NOC4L: variants seen among roughly 807,000 people sequenced by gnomAD.
The protein encoded by NOC4L is nucleolar complex protein 4 homolog.
A neutral mutation model predicts 62.8 loss-of-function variants in NOC4L; 40 were observed. That is an observed-to-expected ratio of 0.64 (90% confidence interval 0.49 to 0.83). The LOEUF (loss-of-function observed/expected upper bound fraction) is 0.83, where lower values mean the gene tolerates loss of function less well. Ranked by LOEUF, NOC4L falls within the 40% of genes least tolerant of loss-of-function variation. NOC4L has a pLI of 0.00. For synonymous variants in NOC4L, 433 were observed against 299.8 expected (o/e 1.44, Z -4.59); for missense variants, 927 against 701.9 (o/e 1.32, Z -3.62).
At position 132,144,499 on chromosome 12, in the gene NOC4L, A is replaced by T; in HGVS notation, c.11A>T (p.Glu4Val). The part of the protein sequence containing the change: MER[E>V]PGAAGVRRAL... ...CGTGTTGGGGGCGGCATGGAGCGGG[A>T]GCCGGGCGCCGCGGGAGTTCGCCGG... The change falls in exon 1 of 15, where the codon GAG (glutamate) becomes GTG (valine). Residue 4 changes from glutamate (E) to valine (V), a missense_variant. Glu to Val is a moderately radical substitution (Grantham distance 121). Transcript: ENST00000330579. 6.6e-7 allele frequency: 1 copy of T among 1,521,030 alleles called. No homozygotes were observed. The highest frequency in any genetic ancestry group is 8.7e-7 in the Non-Finnish European group (1 of 1,145,992). The allele number at this position is 1,521,030 out of a possible 1,614,324, so 94.2% of individuals were successfully genotyped here.
intron 10 of NOC4L, 91 bp downstream of exon 10, chr12:132,151,132 T>C: frequency 2.8e-6 from 4 of 1,436,714 alleles, no homozygotes; most frequent in Non-Finnish European, 3.9e-6. Flanking sequence ...GGGTCCCCGC[T>C]TTCCTCACAG....
intron 10 of NOC4L, 75 bp downstream of exon 10, chr12:132,151,116 C>G: frequency 6.8e-7 from 1 of 1,466,738 alleles, no homozygotes; most frequent in Non-Finnish European, 9.5e-7. Context: ...CCCACCCTGC[C>G]CCACGGGGTC....
intron 3 of NOC4L, chr12:132,146,298 G>A (rs551790222): frequency 8.1e-5 from 37 of 456,068 alleles, no homozygotes; most frequent in African/African-American, 1.8e-4. Context: ...CGGCGTGTTC[G>A]AAGTTCGTTC....
intron 6 of NOC4L, 25 bp downstream of exon 6, chr12:132,148,004 G>A (rs763038501): frequency 3.1e-6 from 5 of 1,612,456 alleles, no homozygotes; most frequent in Admixed American, 1.7e-5. Flanking sequence ...AGTCAGGGGC[G>A]GACAGGGCTG....
In NOC4L at chr12:132,146,498, C is replaced by T. The variant is rs541876559; in HGVS notation, c.346-783C>T. ...CCTTATCAGTGGAATTACAAGGCCA[C>T]ACAGCAGCTGTGTTTTTAATGTTCT... On this transcript the variant is annotated intron_variant, in intron 3 of 14. Coordinates refer to ENST00000330579, the MANE Select transcript of NOC4L (RefSeq NM_024078.3). 336 of 389,260 alleles carry T rather than the reference C, an allele frequency of 8.6e-4. 3 individuals carry two copies. The highest frequency in any genetic ancestry group is 4.5e-3 in the South Asian group (243 of 53,802). The allele number at this position is 389,260 out of a possible 1,614,324, so 24.1% of individuals were successfully genotyped here.
At position 132,150,973 on chromosome 12, in the gene NOC4L, G is replaced by C; in HGVS notation, c.902-8G>C. The C allele has an allele frequency of 1.9e-6, 3 of 1,602,908 alleles. No homozygotes were observed. The highest frequency in any genetic ancestry group is 2.6e-6 in the Non-Finnish European group (3 of 1,174,322). ...CTGCAGCTCCAGCCTGTGTCTGTCT[G>C]TCTGCAGGGGGGGCCCTCAGCCTCT... On this transcript the variant is annotated splice_region_variant and splice_polypyrimidine_tract_variant and intron_variant, in intron 9 of 14. Transcript: ENST00000330579.
intron 9 of NOC4L, chr12:132,150,713 C>G (rs1480032780): frequency 2.4e-6 from 1 of 409,980 alleles, no homozygotes; most frequent in African/African-American, 2.3e-5. Flanking sequence ...CGCCGCCTCG[C>G]TCACACCACA....
Position 132,151,320 on chromosome 12 carries a change from A to G in NOC4L, c.1025A>G (p.Lys342Arg), listed in dbSNP as rs113737899. 3.1e-6 allele frequency: 5 copies of G among 1,611,666 alleles called. No homozygotes were observed. The African/African-American group carries it at 6.7e-5, about 22-fold the overall frequency. Reference sequence around the variant, plus strand: ...TTGGACCCCTCTGTCTTTCACGTCAAGTACCGCGCCCGCTTCTTCCACCTG... The same window carrying G: ...TTGGACCCCTCTGTCTTTCACGTCAGGTACCGCGCCCGCTTCTTCCACCTG... ...GLLDPSVFHV[K>R]YRARFFHLAD... The change falls in exon 11 of 15, where the codon AAG (lysine) becomes AGG (arginine). Residue 342 changes from lysine (K) to arginine (R), a missense_variant. By Grantham distance (26) the Lys-to-Arg change is conservative. Transcript: ENST00000330579.
chr12:132,145,017 G>A, intron 2 of NOC4L, 43 bp downstream of exon 2: 2 of 1,551,084 alleles, frequency 1.3e-6, no homozygotes, highest in Admixed American at 1.9e-5. Context: ...TCTTTCCGTG[G>A]GTCGGAGGGA....
At chr12:132,148,356 G>A (rs892672813) in intron 7 of NOC4L, among the ~76,000 whole-genome samples, 4 of 152,202 alleles carry the variant, frequency 2.6e-5, no homozygotes, top group Non-Finnish European at 5.9e-5. Flanking sequence ...TGTGGGCCCC[G>A]TGGGCTGTTT....
At position 132,151,655 on chromosome 12, in the gene NOC4L, G is replaced by A; in HGVS notation, c.1234+11G>A. On this transcript the variant is annotated intron_variant, in intron 12 of 14. Coordinates refer to ENST00000330579, the MANE Select transcript of NOC4L (RefSeq NM_024078.3). ...GTCCACACGGCCCTGGTGAGTTGCG[G>A]GGCCCTCGGAGGCTGGGCTGGAGCT... 6.2e-7 allele frequency: 1 copy of A among 1,611,534 alleles called. No individual in the cohort carries two copies.
chr12:132,151,879 AG>A, intron 13 of NOC4L, 59 bp downstream of exon 13: 1 of 1,535,060 alleles, frequency 6.5e-7, no homozygotes, highest in Non-Finnish European at 8.9e-7. Flanking sequence ...CCCCTCAGAA[AG>A]CCCAGCTCCC....
At chr12:132,148,704 C>G in intron 8 of NOC4L, 45 bp downstream of exon 8, 2 of 1,521,478 alleles carry the variant, frequency 1.3e-6, no homozygotes, top group Admixed American at 2.0e-5. Context: ...ATCCGGGTCT[C>G]CCCCAGGGCG....
chr12:132,147,191 T>A (rs752744053), intron 3 of NOC4L, 90 bp from the exon 4 acceptor site: 34 of 1,010,592 alleles, frequency 3.4e-5, no homozygotes, highest in Non-Finnish European at 4.4e-5. Flanking sequence ...GCTCTGGGCC[T>A]AGATGGGAGG....
chr12:132,145,504 C>G, intron 2 of NOC4L, 55 bp from the exon 3 acceptor site: 1 of 1,228,854 alleles, frequency 8.1e-7, no homozygotes. Context: ...TTGGGCTGGG[C>G]CCAGGGTGGC....
chr12:132,152,072 C>T lies in NOC4L; in HGVS notation c.1318-12C>T. ...CTGGGGCAGCTGCCTCTTAACGGCC[C>T]TACTGCCCCAGGCCCTCCAGCGCCA... On this transcript the variant is annotated splice_polypyrimidine_tract_variant and intron_variant, in intron 13 of 14. Coordinates refer to ENST00000330579, the MANE Select transcript of NOC4L (RefSeq NM_024078.3). The T allele has an allele frequency of 6.2e-7, 1 of 1,606,084 alleles. No individual in the cohort carries two copies. The highest frequency in any genetic ancestry group is 8.5e-7 in the Non-Finnish European group (1 of 1,177,822).
rs1249960550 is a variant in NOC4L at position 132,144,461 on chromosome 12, A to G, written c.-28A>G. On this transcript the variant is annotated 5_prime_UTR_variant, in exon 1 of 15. Coordinates refer to ENST00000330579, the MANE Select transcript of NOC4L (RefSeq NM_024078.3). ...GTCACGGGAGCGCCGGCGGCTGAGA[A>G]TCCGCGTTGTTCCGTGTTGGGGGCG... 4 of 1,484,916 alleles carry G rather than the reference A, an allele frequency of 2.7e-6. No homozygotes were observed. The highest frequency in any genetic ancestry group is 1.5e-5 in the African/African-American group (1 of 68,542). 92.0% of individuals were successfully genotyped at this position (1,484,916 alleles called of 1,614,324 possible).
Position 132,151,313 on chromosome 12 carries a change from C to G in NOC4L, c.1018C>G (p.His340Asp). 1 of 1,611,994 alleles carries G rather than the reference C, an allele frequency of 6.2e-7. No individual in the cohort carries two copies. The highest frequency in any genetic ancestry group is 8.5e-7 in the Non-Finnish European group (1 of 1,179,974). Reference sequence around the variant, plus strand: ...CGGCCTCTTGGACCCCTCTGTCTTTCACGTCAAGTACCGCGCCCGCTTCTT... The same window carrying G: ...CGGCCTCTTGGACCCCTCTGTCTTTGACGTCAAGTACCGCGCCCGCTTCTT... ...LYGLLDPSVF[H>D]VKYRARFFHL... Residue 340 changes from histidine (H) to aspartate (D), a missense_variant, in exon 11 of 15, where the codon CAC becomes GAC. His to Asp is a moderately conservative substitution (Grantham distance 81). Coordinates refer to ENST00000330579, the MANE Select transcript of NOC4L (RefSeq NM_024078.3).
At position 132,148,789 on chromosome 12, in the gene NOC4L, C is replaced by A. The variant is rs759086602; in HGVS notation, c.795C>A (p.Pro265=). 1.9e-6 allele frequency: 3 copies of A among 1,583,286 alleles called. No individual in the cohort carries two copies. In the African/African-American group the frequency reaches 4.1e-5, roughly 21 times the overall value. ...MWLSFLKHKL[P]LSLYKKVLLI... Reference sequence around the variant, plus strand: ...ACCTGCCGGCCCCCGCCCAGCTGCCCCTCAGCCTCTACAAGAAGGTGCTGC... The same window carrying A: ...ACCTGCCGGCCCCCGCCCAGCTGCCACTCAGCCTCTACAAGAAGGTGCTGC... Residue 265 remains proline (P), a synonymous_variant, in exon 9 of 15, where the codon CCC becomes CCA. Transcript: ENST00000330579.
Sources: allele counts gnomAD v4.1 joint callset (sites outside exome capture counted in the v4.1 genomes callset), GRCh38; gene constraint gnomAD v4.1.1; transcripts MANE v1.5; gene names NCBI Gene and HGNC (gene_info 2026-07-23, HGNC 2026-07-21).